The following TMEM214 variants were observed in gnomAD, a reference collection of about 807,000 sequenced individuals.
The protein encoded by TMEM214 is transmembrane protein 214.
Under a neutral mutation model 89.8 loss-of-function variants are expected in TMEM214, and 71 were observed. The observed-to-expected ratio is 0.79, with a 90% confidence interval of 0.65 to 0.96. The LOEUF (loss-of-function observed/expected upper bound fraction) is 0.96, where lower values mean the gene tolerates loss of function less well. TMEM214 is among the 40% of genes least tolerant of loss of function. The pLI is 0.00. For missense variants in TMEM214, 754 were observed against 843.4 expected, an observed-to-expected ratio of 0.89 and a Z score of 1.31; for synonymous variants, 332 against 349.5, an observed-to-expected ratio of 0.95 and a Z score of 0.56.
At position 27,036,715 on chromosome 2, in the gene TMEM214, G is replaced by A. The variant is rs765335507; in HGVS notation, c.837G>A (p.Gly279=). The change falls in exon 7 of 17, where the codon GGG becomes GGA. Residue 279 remains glycine (G), a synonymous_variant. Transcript: ENST00000238788. The part of the protein sequence containing the change: ...NLTEGLKVWL[G]IMLPVLGIKS... ...CTTTTACCCCTGCAGTGTGGCTGGG[G>A]ATCATGCTGCCTGTGCTGGGCATCA... 5.0e-6 allele frequency: 8 copies of A among 1,614,074 alleles called. No homozygotes were observed. The Admixed American group carries it at 1.3e-4, about 27-fold the overall frequency.
Position 27,036,690 on chromosome 2 carries a change from C to T in TMEM214, c.827-15C>T. 1 of 1,614,180 alleles carries T rather than the reference C, an allele frequency of 6.2e-7. No homozygotes were observed. The highest frequency in any genetic ancestry group is 8.5e-7 in the Non-Finnish European group (1 of 1,180,032). ...TGCAAGCCTGAGGCCTCCCTCGTGA[C>T]TTTTACCCCTGCAGTGTGGCTGGGG... is the stretch of plus-strand genomic sequence containing the variant. On this transcript the variant is annotated splice_polypyrimidine_tract_variant and intron_variant, in intron 6 of 16. Coordinates refer to ENST00000238788, the MANE Select transcript of TMEM214 (RefSeq NM_017727.5).
intron 16 of TMEM214, 63 bp downstream of exon 16, chr2:27,040,559 C>A: frequency 1.3e-6 from 2 of 1,594,446 alleles, no homozygotes; most frequent in Non-Finnish European, 1.7e-6. Context: ...GCCCCAGGGA[C>A]AAGCCATCTC....
At chr2:27,035,798 C>T in intron 4 of TMEM214, 70 bp downstream of exon 4, 1 of 1,599,906 alleles carries the variant, frequency 6.3e-7, no homozygotes. Flanking sequence ...CAGTACCACT[C>T]AGTGGTTCTG....
intron 1 of TMEM214, among the ~76,000 whole-genome samples, chr2:27,033,670 A>G (rs1667429483): frequency 6.6e-6 from 1 of 152,204 alleles, no homozygotes; most frequent in African/African-American, 2.4e-5. Context: ...GTGGAGAAAG[A>G]TTGCCACTTG....
chr2:27,037,341 A>G (rs1170538876), intron 8 of TMEM214, among the ~76,000 whole-genome samples, 163 bp downstream of exon 8: 1 of 151,490 alleles, frequency 6.6e-6, no homozygotes, highest in Non-Finnish European at 1.5e-5. Flanking sequence ...AATTATATGG[A>G]CCCTTGAGTG....
chr2:27,035,077 CT>C (rs1182665257), intron 2 of TMEM214, 57 bp from the exon 3 acceptor site: 17 of 1,602,622 alleles, frequency 1.1e-5, no homozygotes, highest in Non-Finnish European at 1.5e-5. Context: ...TACCCCATTT[CT>C]TTACTCCCTC....
chr2:27,038,611 C>T lies in TMEM214; in HGVS notation c.1293+79C>T. The stretch of plus-strand genomic sequence containing the variant: ...GAGTGGGGGCTCCTCAGCCACTGTC[C>T]CTTCCCTGAGAAGGGACCCTGTTGG... On this transcript the variant is annotated intron_variant, in intron 11 of 16. Coordinates refer to ENST00000238788, the MANE Select transcript of TMEM214 (RefSeq NM_017727.5). This position sits in a 1 kb window ranked among gnomAD's most constrained non-coding sequence, Gnocchi z 4.4. 2 of 1,606,514 alleles carry T rather than the reference C, an allele frequency of 1.2e-6. No homozygotes were observed. The highest frequency in any genetic ancestry group is 2.2e-5 in the South Asian group (2 of 90,732).
At chr2:27,037,511 T>TA in intron 8 of TMEM214, 50 bp from the exon 9 acceptor site, 2 of 1,612,848 alleles carry the variant, frequency 1.2e-6, no homozygotes, top group South Asian at 1.1e-5. Flanking sequence ...GTTCATATCA[T>TA]ACAGCTCCAC....
At chr2:27,033,943 G>A (rs577796668) in intron 1 of TMEM214, 124 bp from the exon 2 acceptor site, 1 of 1,056,156 alleles carries the variant, frequency 9.5e-7, no homozygotes, top group African/African-American at 1.6e-5. Flanking sequence ...CAAGAGGAAG[G>A]GGCTTTGAGA....
Position 27,036,574 on chromosome 2 carries a change from C to G in TMEM214, c.808C>G (p.Leu270Val). The change falls in exon 6 of 17, where the codon CTC (leucine) becomes GTC (valine). Residue 270 changes from leucine to valine, a missense_variant. Leu to Val is a conservative substitution (Grantham distance 32, BLOSUM62 1). Transcript: ENST00000238788. ...CCTGGGTCAAGCAGGTTTTGCCAAC[C>G]TCACCGAGGGACTGAAAGGTAACAG... ...WALGQAGFANLTEGLKVWLGI... is the reference protein window; with the variant it reads ...WALGQAGFANVTEGLKVWLGI... The G allele has an allele frequency of 1.2e-6, 2 of 1,614,170 alleles. No homozygotes were observed. Among genetic ancestry groups the G allele is most frequent in the Non-Finnish European group, 1.7e-6 (2 of 1,179,996 alleles).
At chr2:27,034,599 CT>C in intron 2 of TMEM214, 1 of 224,278 alleles carries the variant, frequency 4.5e-6, no homozygotes, top group Non-Finnish European at 8.3e-6. Flanking sequence ...CTCTGTTTTC[CT>C]CTTTTTTTTT....
chr2:27,039,780 T>C lies in TMEM214; in HGVS notation c.1565T>C (p.Leu522Ser), dbSNP rs200225276. 8.7e-4 allele frequency: 1,399 copies of C among 1,614,224 alleles called. 1 individual carries two copies. Among genetic ancestry groups the C allele is most frequent in the Non-Finnish European group, 1.1e-3 (1,347 of 1,180,040 alleles). ...CGGTTGCTTCGATCATCTGGCTTCT[T>C]ACCTGCTAGCCAACAAGCGTGTGCC... Reference protein sequence around the residue: ...TGRLLRSSGFLPASQQACAKL... With the variant: ...TGRLLRSSGFSPASQQACAKL... The change falls in exon 14 of 17, where the codon TTA becomes TCA. Residue 522 changes from leucine to serine, a missense_variant. By Grantham distance (145) the Leu-to-Ser change is moderately radical. Transcript: ENST00000238788.
intron 4 of TMEM214, 120 bp downstream of exon 4, chr2:27,035,848 A>T (rs1667538160): frequency 6.3e-7 from 1 of 1,580,170 alleles, no homozygotes; most frequent in African/African-American, 1.4e-5. Flanking sequence ...CACTTTTTGG[A>T]AAGTGTGGAG....
rs186979705 is a variant in TMEM214 at position 27,036,179 on chromosome 2, A to G, written c.720+127A>G. ...AAGCCTAGTAATAATGGGTAACACT[A>G]TTAGCACCTATCCTGTGTGTGTGCT... On this transcript the variant is annotated intron_variant, in intron 5 of 16. Transcript: ENST00000238788. The G allele has an allele frequency of 2.0e-5, 16 of 789,738 alleles. No homozygotes were observed. The East Asian group carries it at 4.0e-4, about 20-fold the overall frequency. 48.9% of individuals were successfully genotyped at this position (789,738 alleles called of 1,614,324 possible). A position where few individuals can be genotyped will look rare whatever the true frequency, so the allele number is the denominator to read the frequency against.
At chr2:27,037,473 C>T in intron 8 of TMEM214, 88 bp from the exon 9 acceptor site, 1 of 1,523,058 alleles carries the variant, frequency 6.6e-7, no homozygotes, top group Non-Finnish European at 9.0e-7. Context: ...TCCCCACAGG[C>T]AGGCATGGGC....
rs1279815699 is a variant in TMEM214 at position 27,036,055 on chromosome 2, G to C, written c.720+3G>C. ...TTGCCACGGCAAACCTAGGCAAGGT[G>C]AGCTCTCAGTGATGGTGGGGATGCT... On this transcript the variant is annotated splice_donor_region_variant and intron_variant, in intron 5 of 16. Transcript: ENST00000238788. The C allele has an allele frequency of 6.2e-7, 1 of 1,613,904 alleles. No homozygotes were observed. The highest frequency in any genetic ancestry group is 1.3e-5 in the African/African-American group (1 of 74,920).
chr2:27,033,223 G>A, intron 1 of TMEM214, 57 bp downstream of exon 1: 1 of 1,242,092 alleles, frequency 8.1e-7, no homozygotes, highest in Non-Finnish European at 1.0e-6. Context: ...GGGTCGCAGC[G>A]AGCGGCTCCC....
At chr2:27,034,515 C>A in intron 2 of TMEM214, 1 of 499,720 alleles carries the variant, frequency 2.0e-6, no homozygotes, top group East Asian at 3.5e-5. Context: ...CCAGGAACAC[C>A]AGGGAGGAGA....
chr2:27,036,429 G>C (rs778823867), intron 5 of TMEM214, 58 bp from the exon 6 acceptor site: 39 of 1,408,232 alleles, frequency 2.8e-5, no homozygotes, highest in Non-Finnish European at 3.8e-5. Flanking sequence ...CCTGGCTTTG[G>C]GGGGTGCTCC....
Sources: gnomAD v4.1 joint callset for allele counts (sites outside exome capture counted in the v4.1 genomes callset) on GRCh38, gnomAD v4.1.1 for gene constraint, Gnocchi (gnomAD v3.1) non-coding constraint, MANE v1.5 for transcripts, NCBI Gene and HGNC (gene_info 2026-07-23, HGNC 2026-07-21) for gene names.